PRRG1: variants seen among roughly 807,000 people sequenced by gnomAD.
PRRG1 encodes proline rich and Gla domain 1.
A neutral mutation model predicts 11.8 loss-of-function variants in PRRG1; 5 were observed. The observed-to-expected ratio is 0.42, with a 90% CI of 0.22 to 0.89. PRRG1 has a LOEUF of 0.89. Among genes scored for constraint, PRRG1 ranks in the 40% least tolerant of loss-of-function variants. PRRG1 has a pLI of 0.28. For synonymous variants in PRRG1, 66 were observed against 60.4 expected (o/e 1.09, Z -0.43); for missense variants, 155 against 166.1 (o/e 0.93, Z 0.37).
chrX:37,420,288 T>G (rs963587300), intron 2 of PRRG1, among the ~76,000 whole-genome samples: 4 of 111,468 alleles, frequency 3.6e-5, no homozygotes, highest in Non-Finnish European at 5.7e-5. Flanking sequence ...TTAAATTGAT[T>G]ACTCAAAACA....
chrX:37,368,243 T>C (rs1930642947), intron 1 of PRRG1, among the ~76,000 whole-genome samples: 1 of 112,469 alleles, frequency 8.9e-6, no homozygotes, highest in Non-Finnish European at 1.9e-5. Context: ...ATTTTGTTTT[T>C]CTAGTTCAGT....
intron 1 of PRRG1, among the ~76,000 whole-genome samples, chrX:37,404,522 C>T (rs1312246016): frequency 2.7e-5 from 3 of 111,051 alleles, no homozygotes; most frequent in African/African-American, 9.8e-5. Context: ...AAAGGTTTCC[C>T]AGAATAGCTT....
chrX:37,406,198 G>A lies in PRRG1; in HGVS notation c.-41-11G>A, dbSNP rs147603302. 4 of 1,206,995 alleles carry A rather than the reference G, an allele frequency of 3.3e-6. No homozygotes were observed. The highest frequency in any genetic ancestry group is 1.1e-6 in the Non-Finnish European group (1 of 893,304). On this transcript the variant is annotated splice_polypyrimidine_tract_variant and intron_variant, in intron 1 of 3. Transcript: ENST00000378628. ...CAATCTGACTGTGTGTATGTGCTCT[G>A]TTTTGTACAGGGAATCATCATCCAG...
At chrX:37,452,164 AAAGT>A (rs1921165446) in intron 3 of PRRG1, among the ~76,000 whole-genome samples, 1 of 112,514 alleles carries the variant, frequency 8.9e-6, no homozygotes, top group Non-Finnish European at 1.9e-5. Context: ...TCTTTGTATC[AAAGT>A]AAGGGATAGG....
chrX:37,368,484 A>G (rs905924181), intron 1 of PRRG1, among the ~76,000 whole-genome samples: 1 of 111,418 alleles, frequency 9.0e-6, no homozygotes, highest in Non-Finnish European at 1.9e-5. Context: ...TGGCCATTCT[A>G]GCTTTTTGCT....
rs1192991658 is a variant in PRRG1, at chrX:37,455,311, G to T, written c.*1690G>T. On this transcript the variant is annotated 3_prime_UTR_variant, in exon 4 of 4. Transcript: ENST00000378628. ...TAAGGGCTTTACAAGGATCAAATAA[G>T]ATGGTGTGTATGTAAGAAATTTGTA... 1 of 112,461 alleles carries T rather than the reference G, an allele frequency of 8.9e-6. No homozygotes were observed. The highest frequency in any genetic ancestry group is 1.9e-5 in the Non-Finnish European group (1 of 53,362). 9.3% of individuals were successfully genotyped at this position (112,461 alleles called of 1,213,427 possible).
At chrX:37,433,531 C>CT (rs1932853484) in intron 3 of PRRG1, among the ~76,000 whole-genome samples, 1 of 108,339 alleles carries the variant, frequency 9.2e-6, no homozygotes, top group Non-Finnish European at 1.9e-5. Context: ...CTGTGACTTT[C>CT]TTTTTTTCAA....
At chrX:37,415,544 A>G (rs1190921212) in intron 2 of PRRG1, among the ~76,000 whole-genome samples, 1 of 112,436 alleles carries the variant, frequency 8.9e-6, no homozygotes, top group Non-Finnish European at 1.9e-5. Context: ...AATCAATAGG[A>G]AGAGTTTATT....
intron 1 of PRRG1, among the ~76,000 whole-genome samples, chrX:37,352,733 G>A (rs183799307): frequency 2.7e-5 from 3 of 111,465 alleles, no homozygotes; most frequent in African/African-American, 9.8e-5. Flanking sequence ...TTTTCTTTCC[G>A]AGCATTAGTT....
At chrX:37,427,512 A>G (rs1397797622) in intron 3 of PRRG1, among the ~76,000 whole-genome samples, 4 of 112,156 alleles carry the variant, frequency 3.6e-5, no homozygotes, top group Non-Finnish European at 7.5e-5. Context: ...ATTTAAGTAT[A>G]TAATATAACA....
chrX:37,384,596 A>G (rs782764330), intron 1 of PRRG1, among the ~76,000 whole-genome samples: 1 of 111,983 alleles, frequency 8.9e-6, no homozygotes, highest in Non-Finnish European at 1.9e-5. Context: ...AGAACTCATA[A>G]GTTTAGGAAA....
chrX:37,394,234 G>A (rs1406558695), intron 1 of PRRG1, among the ~76,000 whole-genome samples: 2 of 111,891 alleles, frequency 1.8e-5, no homozygotes, highest in African/African-American at 6.5e-5. Flanking sequence ...AGATGCAGAG[G>A]TGAAACTCCC....
intron 2 of PRRG1, among the ~76,000 whole-genome samples, chrX:37,409,467 A>G (rs1932295686): frequency 8.9e-6 from 1 of 112,401 alleles, no homozygotes; most frequent in Non-Finnish European, 1.9e-5. Flanking sequence ...AAAGATAGGC[A>G]TGTTTCCAGG....
At chrX:37,388,117 G>A (rs954813674) in intron 1 of PRRG1, among the ~76,000 whole-genome samples, 6 of 111,924 alleles carry the variant, frequency 5.4e-5, no homozygotes, top group African/African-American at 9.8e-5. Context: ...GATACAAGGC[G>A]TGGGTTCCCA....
chrX:37,360,153 C>T (rs1930369876), intron 1 of PRRG1, among the ~76,000 whole-genome samples: 1 of 111,580 alleles, frequency 9.0e-6, no homozygotes, highest in Admixed American at 9.5e-5. Context: ...TCACTGATTT[C>T]TGCTTCAATT....
intron 2 of PRRG1, among the ~76,000 whole-genome samples, chrX:37,421,221 G>A (rs111710166): frequency 8.9e-6 from 1 of 112,030 alleles, no homozygotes; most frequent in Non-Finnish European, 1.9e-5. Context: ...TTGTGTCTGT[G>A]TATGTGTAAA....
rs782028897 is a variant in PRRG1, at chrX:37,421,138, A to G, written c.11-4702A>G. 9.5e-4 allele frequency among the ~76,000 whole-genome samples: 106 copies of G among 111,815 alleles called. 1 individual carries two copies. The highest frequency in any genetic ancestry group is 3.3e-3 in the African/African-American group (101 of 30,874). On this transcript the variant is annotated intron_variant, in intron 2 of 3. Coordinates refer to ENST00000378628, the MANE Select transcript of PRRG1 (RefSeq NM_001142395.2). ...TTTTTATTATTTTCTTTTGAAGAGA[A>G]AGCATGGATGAGAGCTTATTTATTT...
chrX:37,440,773 G>A lies in PRRG1; in HGVS notation c.172-12363G>A, dbSNP rs1556393370. The stretch of plus-strand genomic sequence containing the variant: ...CTGTTTTCTATTTTATTTTATTATT[G>A]TTTTAAAATTGAGACAGGGTCTTGT... On this transcript the variant is annotated intron_variant, in intron 3 of 3. Coordinates refer to ENST00000378628, the MANE Select transcript of PRRG1 (RefSeq NM_001142395.2). The A allele has an allele frequency of 5.9e-6, 3 of 506,988 alleles. No homozygotes were observed. The South Asian group carries it at 7.7e-5, about 13-fold the overall frequency. 41.8% of individuals were successfully genotyped at this position (506,988 alleles called of 1,213,427 possible).
chrX:37,366,639 G>C (rs782679795), intron 1 of PRRG1, among the ~76,000 whole-genome samples: 53 of 111,998 alleles, frequency 4.7e-4, no homozygotes, highest in African/African-American at 1.7e-3. Flanking sequence ...AGTAATACTT[G>C]TGGCCCTGTT....
Sources: gnomAD v4.1 joint callset for allele counts (sites outside exome capture counted in the v4.1 genomes callset) on GRCh38, gnomAD v4.1.1 for gene constraint, MANE v1.5 for transcripts, NCBI Gene and HGNC (gene_info 2026-07-23, HGNC 2026-07-21) for gene names.